Variants in ASIC5 observed in about 807,000 individuals in gnomAD.
ASIC5 encodes the protein acid sensing ion channel subunit family member 5.
Under a neutral mutation model 51.2 loss-of-function variants are expected in ASIC5, and 52 were observed. The ratio of observed to expected loss-of-function variants is 1.02; its 90% confidence interval spans 0.81 to 1.28. The LOEUF (loss-of-function observed/expected upper bound fraction) is 1.28, where lower values mean the gene tolerates loss of function less well. ASIC5 is among the 50% of genes most tolerant of loss of function. ASIC5 has a pLI of 0.00. For synonymous variants in ASIC5, 231 were observed against 200.7 expected, an observed-to-expected ratio of 1.15 and a Z score of -1.28; for missense variants, 635 against 595.0, an observed-to-expected ratio of 1.07 and a Z score of -0.70.
At chr4:155,849,904 A>G (rs577465998) in intron 4 of ASIC5, among the ~76,000 whole-genome samples, 4 of 152,018 alleles carry the variant, frequency 2.6e-5, no homozygotes, top group Non-Finnish European at 4.4e-5. Flanking sequence ...GCCTATATGA[A>G]TATTTCCAGT....
intron 2 of ASIC5, among the ~76,000 whole-genome samples, chr4:155,856,294 C>T (rs888516627): frequency 1.3e-5 from 2 of 152,078 alleles, no homozygotes; most frequent in South Asian, 4.1e-4. Flanking sequence ...GGGGCCAACA[C>T]CCATGGCCCC....
intron 8 of ASIC5, 95 bp from the exon 9 acceptor site, chr4:155,832,010 G>A (rs909645127): frequency 3.2e-6 from 2 of 629,802 alleles, no homozygotes; most frequent in Non-Finnish European, 5.5e-6. Context: ...TGTTTTATAT[G>A]CTATTTAATG....
intron 6 of ASIC5, among the ~76,000 whole-genome samples, chr4:155,840,372 A>G (rs1290002062): frequency 6.7e-6 from 1 of 150,170 alleles, no homozygotes; most frequent in African/African-American, 2.4e-5. Flanking sequence ...ACCTCTGGAA[A>G]ATAATGAAAC....
At chr4:155,846,092 A>G (rs1198239339) in intron 4 of ASIC5, among the ~76,000 whole-genome samples, 1 of 151,196 alleles carries the variant, frequency 6.6e-6, no homozygotes, top group Non-Finnish European at 1.5e-5. Flanking sequence ...TGTTTAAATC[A>G]TATATTTTAT....
At chr4:155,830,806 A>AAGTAAAAGC (rs1403444730) in intron 9 of ASIC5, among the ~76,000 whole-genome samples, 2 of 152,112 alleles carry the variant, frequency 1.3e-5, no homozygotes, top group Non-Finnish European at 2.9e-5. Flanking sequence ...CTGTCTCTGA[A>AAGTAAAAGC]TCTGATTACT....
intron 8 of ASIC5, among the ~76,000 whole-genome samples, chr4:155,836,426 C>T (rs1162633290): frequency 1.3e-5 from 2 of 152,150 alleles, no homozygotes; most frequent in African/African-American, 4.8e-5. Flanking sequence ...TTATTATTTT[C>T]CCCAGTTTGG....
chr4:155,855,580 C>T (rs941725763), intron 2 of ASIC5, among the ~76,000 whole-genome samples: 3 of 151,648 alleles, frequency 2.0e-5, no homozygotes, highest in South Asian at 2.1e-4. Context: ...AGGCATAGAA[C>T]GGAATGCATA....
At chr4:155,843,158 C>G (rs975775844) in intron 5 of ASIC5, among the ~76,000 whole-genome samples, 1 of 152,110 alleles carries the variant, frequency 6.6e-6, no homozygotes, top group African/African-American at 2.4e-5. Context: ...TTGGCTGTCT[C>G]CTGTGTCTAT....
Position 155,847,713 on chromosome 4 carries a change from C to T in ASIC5, c.712-3883G>A, listed in dbSNP as rs115292802. 9.4e-3 allele frequency among the ~76,000 whole-genome samples: 1,424 copies of T among 151,982 alleles called. 14 individuals carry two copies. The highest frequency in any genetic ancestry group is 0.037 in the Middle Eastern group (11 of 294). On this transcript the variant is annotated intron_variant, in intron 4 of 9. Transcript: ENST00000537611. Reference sequence around the variant, plus strand: ...CTCCAGCTTAGGTGACAGAGTGAGACTCTGTCTCAGTAAAAAAAATAAATA... The same window carrying T: ...CTCCAGCTTAGGTGACAGAGTGAGATTCTGTCTCAGTAAAAAAAATAAATA...
At chr4:155,863,249 T>C (rs1454569478) in intron 2 of ASIC5, among the ~76,000 whole-genome samples, 199 bp downstream of exon 2, 2 of 152,040 alleles carry the variant, frequency 1.3e-5, no homozygotes, top group African/African-American at 2.4e-5. Flanking sequence ...GAAGAAAAGA[T>C]GGAAAATAAG....
At chr4:155,833,920 ATAAAG>A (rs1454146831) in intron 8 of ASIC5, among the ~76,000 whole-genome samples, 1 of 152,230 alleles carries the variant, frequency 6.6e-6, no homozygotes, top group Non-Finnish European at 1.5e-5. Flanking sequence ...AGGCACAATT[ATAAAG>A]TAAAAACTAA....
At chr4:155,847,455 T>A (rs901841606) in intron 4 of ASIC5, among the ~76,000 whole-genome samples, 5 of 151,954 alleles carry the variant, frequency 3.3e-5, no homozygotes, top group Non-Finnish European at 5.9e-5. Context: ...GGCACAGGAA[T>A]TCACACCTGT....
intron 6 of ASIC5, 147 bp from the exon 7 acceptor site, chr4:155,839,016 A>T (rs1233304042): frequency 5.2e-6 from 3 of 571,670 alleles, no homozygotes; most frequent in Non-Finnish European, 9.4e-6. Context: ...TTTCATAAGC[A>T]AAACTATGGA....
rs201768091 is a variant in ASIC5 at position 155,842,282 on chromosome 4, T to G, written c.934A>C (p.Thr312Pro). 3 of 1,613,450 alleles carry G rather than the reference T, an allele frequency of 1.9e-6. No homozygotes were observed. The highest frequency in any genetic ancestry group is 2.5e-6 in the Non-Finnish European group (3 of 1,179,700). ...IKLQNFSSYS[T>P]SGCLKECKAQ... ...TTGCATTCCTTCAAGCAACCAGAAG[T>G]GCTGTAGCTGCTAAAATTCTGCAGC... Residue 312 changes from threonine (T) to proline (P), a missense_variant, in exon 6 of 10, where the codon ACT (threonine) becomes CCT (proline). Coordinates refer to ENST00000537611, the MANE Select transcript of ASIC5 (RefSeq NM_017419.3).
intron 4 of ASIC5, among the ~76,000 whole-genome samples, chr4:155,844,251 A>T (rs567164194): frequency 6.6e-6 from 1 of 152,124 alleles, no homozygotes; most frequent in Admixed American, 6.6e-5. Flanking sequence ...TCCTCCAGGG[A>T]TCCCTGATCT....
intron 8 of ASIC5, among the ~76,000 whole-genome samples, chr4:155,836,160 A>G (rs1740974562): frequency 6.6e-6 from 1 of 152,174 alleles, no homozygotes; most frequent in Admixed American, 6.5e-5. Flanking sequence ...TAATCAGGGG[A>G]CGTGGAATCA....
rs192993052 is a variant in ASIC5, at chr4:155,835,306, T to G, written c.1235+1383A>C. 5.3e-3 allele frequency among the ~76,000 whole-genome samples: 798 copies of G among 151,550 alleles called. 5 individuals are homozygous for G. The highest frequency in any genetic ancestry group is 0.017 in the African/African-American group (719 of 41,286). On this transcript the variant is annotated intron_variant, in intron 8 of 9. Coordinates refer to ENST00000537611, the MANE Select transcript of ASIC5 (RefSeq NM_017419.3). ...CACCTGCCCGTCTGCATGCTCTCCATAGGAGTTTGAGCTGCGGGGATACCG... is the reference window on the plus strand; with the variant it reads ...CACCTGCCCGTCTGCATGCTCTCCAGAGGAGTTTGAGCTGCGGGGATACCG...
chr4:155,842,398 C>A, intron 5 of ASIC5, 44 bp from the exon 6 acceptor site: 1 of 1,492,284 alleles, frequency 6.7e-7, no homozygotes, highest in South Asian at 1.3e-5. Flanking sequence ...GTGTTTACAT[C>A]AATTCACTTA....
rs761632065 is a variant in ASIC5 at position 155,863,474 on chromosome 4, TG to T, written c.320del (p.Pro107GlnfsTer3). ...TGTTCAAATTACAAAATGTCACAGC[TG>T]GGAACTCCATCTTTTCCACATATTG... ...EVQYVEKMEF[P>X]AVTFCNLNRF... On this transcript the variant is annotated frameshift_variant, in exon 2 of 10. Transcript: ENST00000537611. LOFTEE classifies it high-confidence loss of function. 12 of 1,613,396 alleles carry T rather than the reference TG, an allele frequency of 7.4e-6. No homozygotes were observed. In the East Asian group the frequency reaches 2.7e-4, roughly 36 times the overall value.
Sources: allele counts gnomAD v4.1 joint callset (sites outside exome capture counted in the v4.1 genomes callset), GRCh38; gene constraint gnomAD v4.1.1; transcripts MANE v1.5; gene names NCBI Gene and HGNC (gene_info 2026-07-23, HGNC 2026-07-21).